The following NSD2 variants were observed in gnomAD, a reference collection of about 807,000 sequenced individuals.
The protein encoded by NSD2 is nuclear receptor binding SET domain protein 2, also known as histone-lysine N-methyltransferase NSD2.
A neutral mutation model predicts 139.0 loss-of-function variants in NSD2; 12 were observed. The ratio of observed to expected loss-of-function variants is 0.09; its 90% CI spans 0.06 to 0.14. The LOEUF (loss-of-function observed/expected upper bound fraction) is 0.14. Among genes scored for constraint, NSD2 ranks in the 10% least tolerant of loss-of-function variants. The pLI is 1.00. For missense variants in NSD2, 1,155 were observed against 1,745.0 expected (o/e 0.66, Z 6.02); for synonymous variants, 669 against 648.7 (o/e 1.03, Z -0.48).
Position 1,930,713 on chromosome 4 carries a change from G to A in NSD2, c.1498G>A (p.Ala500Thr), listed in dbSNP as rs781458614. The part of the protein sequence containing the change: ...QWSLLSEKQR[A>T]RYNTKFALVA... ...GAGTCTGCTGAGTGAGAAGCAGAGA[G>A]CACGCTACAACACCAAGTTTGCCCT... The change falls in exon 6 of 22, where the codon GCA (alanine) becomes ACA (threonine). Residue 500 changes from alanine (A) to threonine (T), a missense_variant. Ala to Thr is a moderately conservative substitution (Grantham distance 58, BLOSUM62 0). Transcript: ENST00000508803. 9 of 1,613,860 alleles carry A rather than the reference G, an allele frequency of 5.6e-6. No individual in the cohort carries two copies. Among genetic ancestry groups the A allele is most frequent in the Non-Finnish European group, 6.8e-6 (8 of 1,179,982 alleles).
rs968085220 is a variant in NSD2, at chr4:1,980,416, C to G, written c.*1507C>G. 1 of 232,986 alleles carries G rather than the reference C, an allele frequency of 4.3e-6. No individual in the cohort carries two copies. Among genetic ancestry groups the G allele is most frequent in the African/African-American group, 2.2e-5 (1 of 45,298 alleles). 14.4% of individuals were successfully genotyped at this position (232,986 alleles called of 1,614,324 possible). On this transcript the variant is annotated 3_prime_UTR_variant, in exon 22 of 22. Transcript: ENST00000508803. Reference sequence around the variant, plus strand: ...TCAGCAGCAGGTGCTTTTTTATGGCCTTTTCTTAAAATAACCTAAGGGGGA... The same window carrying G: ...TCAGCAGCAGGTGCTTTTTTATGGCGTTTTCTTAAAATAACCTAAGGGGGA...
chr4:1,894,689 AAATG>A (rs1716012859), intron 1 of NSD2, among the ~76,000 whole-genome samples: 1 of 152,026 alleles, frequency 6.6e-6, no homozygotes, highest in South Asian at 2.1e-4. Context: ...AAAAAAAAAA[AAATG>A]AAAAGAAGAA....
chr4:1,901,978 C>T (rs1398879344), intron 2 of NSD2, among the ~76,000 whole-genome samples: 4 of 152,094 alleles, frequency 2.6e-5, no homozygotes, highest in Admixed American at 1.3e-4. Flanking sequence ...TCGGGATGGC[C>T]CTGACACTCG....
Position 1,925,980 on chromosome 4 carries a change from T to G in NSD2, c.1411-4646T>G, listed in dbSNP as rs1364836650. Among the ~76,000 whole-genome samples the G allele has an allele frequency of 2.0e-5, 3 of 151,218 alleles. No individual in the cohort carries two copies. The East Asian group carries it at 5.9e-4, about 30-fold the overall frequency. On this transcript the variant is annotated intron_variant, in intron 5 of 21. Transcript: ENST00000508803. ...ACCACGCCTGGCTAACTTTTCTATT[T>G]TTTATAGGGATGAGGTCTTGCTATG... is the stretch of plus-strand genomic sequence containing the variant.
At chr4:1,933,559 T>G (rs1721939307) in intron 6 of NSD2, among the ~76,000 whole-genome samples, 1 of 151,874 alleles carries the variant, frequency 6.6e-6, no homozygotes, top group South Asian at 2.1e-4. Context: ...CCAGCTAATT[T>G]TTTTTTTTGT....
chr4:1,926,852 G>A (rs1217610781), intron 5 of NSD2, among the ~76,000 whole-genome samples: 1 of 152,136 alleles, frequency 6.6e-6, no homozygotes, highest in Non-Finnish European at 1.5e-5. Context: ...AGTGCTTTAT[G>A]TCAGTTCTTT....
At chr4:1,957,712 T>A (rs1366177286) in intron 15 of NSD2, among the ~76,000 whole-genome samples, 1 of 152,110 alleles carries the variant, frequency 6.6e-6, no homozygotes, top group Non-Finnish European at 1.5e-5. Context: ...GCCTGTCTTG[T>A]AGAGAGGTGA....
At chr4:1,882,657 T>C (rs1306100456) in intron 1 of NSD2, among the ~76,000 whole-genome samples, 4 of 151,966 alleles carry the variant, frequency 2.6e-5, no homozygotes, top group Admixed American at 6.6e-5. Flanking sequence ...GAGCAAGACC[T>C]CTGTCTCAAA....
At chr4:1,880,059 C>G (rs905253003) in intron 1 of NSD2, among the ~76,000 whole-genome samples, 3 of 152,036 alleles carry the variant, frequency 2.0e-5, no homozygotes, top group African/African-American at 7.3e-5. Context: ...TTCTGTTTTC[C>G]TAATGATTTT....
chr4:1,965,541 TC>T (rs1028921384), intron 18 of NSD2, among the ~76,000 whole-genome samples: 8 of 152,114 alleles, frequency 5.3e-5, no homozygotes, highest in Admixed American at 2.6e-4. Context: ...CTCCAGATGA[TC>T]AAACTTTCGA....
intron 1 of NSD2, among the ~76,000 whole-genome samples, chr4:1,888,082 T>G (rs1397459803): frequency 6.6e-6 from 1 of 152,134 alleles, no homozygotes; most frequent in African/African-American, 2.4e-5. Flanking sequence ...ATACGTGGTC[T>G]GATAGTTATC....
At chr4:1,937,941 G>T (rs1722597995) in intron 7 of NSD2, among the ~76,000 whole-genome samples, 1 of 152,188 alleles carries the variant, frequency 6.6e-6, no homozygotes, top group Non-Finnish European at 1.5e-5. Flanking sequence ...TCTGGTGTTT[G>T]TCTAAAAATT....
chr4:1,946,842 A>G, intron 9 of NSD2: 1 of 1,057,624 alleles, frequency 9.5e-7, no homozygotes, highest in Non-Finnish European at 1.1e-6. Flanking sequence ...ACAGCCCGAC[A>G]GGCCTCATCT....
intron 6 of NSD2, 73 bp from the exon 7 acceptor site, chr4:1,935,071 A>C: frequency 8.7e-7 from 1 of 1,154,830 alleles, no homozygotes; most frequent in South Asian, 1.4e-5. Flanking sequence ...TGCCCTGGGT[A>C]GGTTCTCACA....
intron 9 of NSD2, chr4:1,943,355 A>G: frequency 2.9e-6 from 3 of 1,043,194 alleles, no homozygotes; most frequent in Non-Finnish European, 3.5e-6. Flanking sequence ...CGCATGTAAG[A>G]TGCTTAGGGT....
In NSD2 at chr4:1,956,790, T is replaced by G. The variant is rs1213957078; in HGVS notation, c.2881+602T>G. ...AAAACCCGAGGTGTGTGCATGTGGC[T>G]CGTTCAGGGAGAAGCACACGCTGTG... On this transcript the variant is annotated intron_variant, in intron 15 of 21. Coordinates refer to ENST00000508803, the MANE Select transcript of NSD2 (RefSeq NM_001042424.3). The surrounding 1 kb of genome is among the most constrained non-coding windows in gnomAD (Gnocchi z 5.3). 6.6e-6 allele frequency among the ~76,000 whole-genome samples: 1 copy of G among 152,214 alleles called. No homozygotes were observed.
intron 5 of NSD2, among the ~76,000 whole-genome samples, chr4:1,921,291 C>G (rs1188710965): frequency 6.6e-6 from 1 of 151,994 alleles, no homozygotes; most frequent in East Asian, 1.9e-4. Context: ...AACCCCGTCT[C>G]TACCAAAATT....
At chr4:1,947,562 G>A (rs770566682) in intron 9 of NSD2, 3 of 1,053,140 alleles carry the variant, frequency 2.8e-6, no homozygotes, top group Non-Finnish European at 3.4e-6. Flanking sequence ...TAGATGATGA[G>A]TGACTTATTT....
intron 1 of NSD2, among the ~76,000 whole-genome samples, chr4:1,885,059 G>A (rs1421978114): frequency 2.0e-5 from 3 of 151,584 alleles, no homozygotes; most frequent in African/African-American, 4.9e-5. Flanking sequence ...GCAGTGAGCC[G>A]AGATCATGCC....
Sources: allele counts gnomAD v4.1 joint callset (sites outside exome capture counted in the v4.1 genomes callset), GRCh38; gene constraint gnomAD v4.1.1; non-coding constraint Gnocchi (gnomAD v3.1); transcripts MANE v1.5; gene names NCBI Gene and HGNC (gene_info 2026-07-23, HGNC 2026-07-21).